The following CACNA2D3 variants were observed in gnomAD, a reference collection of about 807,000 sequenced individuals.
CACNA2D3 encodes calcium voltage-gated channel auxiliary subunit alpha2delta 3.
Under a neutral mutation model 160.6 loss-of-function variants are expected in CACNA2D3, and 60 were observed. The ratio of observed to expected loss-of-function variants is 0.37; its 90% CI spans 0.30 to 0.46. CACNA2D3 has a LOEUF of 0.46. CACNA2D3 is among the 20% of genes least tolerant of loss of function. The probability of loss-of-function intolerance (pLI) is 1.00; values close to 1 mark genes in which losing one functional copy is unlikely to be tolerated. For synonymous variants in CACNA2D3, 558 were observed against 492.9 expected (o/e 1.13, Z -1.75); for missense variants, 1,205 against 1,365.0 (o/e 0.88, Z 1.85).
intron 11 of CACNA2D3, among the ~76,000 whole-genome samples, chr3:54,744,221 G>A (rs1701706475): frequency 6.6e-6 from 1 of 152,154 alleles, no homozygotes; most frequent in Non-Finnish European, 1.5e-5. Flanking sequence ...ATGACCAAAT[G>A]AACTTTCTCA....
intron 5 of CACNA2D3, among the ~76,000 whole-genome samples, chr3:54,518,409 C>G (rs1057362819): frequency 6.6e-6 from 1 of 152,138 alleles, no homozygotes; most frequent in African/African-American, 2.4e-5. Flanking sequence ...GAGCAAGCAC[C>G]TGGGGTTCCC....
At chr3:54,716,644 T>G (rs1179204054) in intron 11 of CACNA2D3, among the ~76,000 whole-genome samples, 1 of 152,202 alleles carries the variant, frequency 6.6e-6, no homozygotes, top group African/African-American at 2.4e-5. Context: ...TTTACATTGT[T>G]AGGGTGGCCC....
chr3:54,377,913 C>T (rs1699037450), intron 3 of CACNA2D3, among the ~76,000 whole-genome samples: 1 of 152,184 alleles, frequency 6.6e-6, no homozygotes, highest in Non-Finnish European at 1.5e-5. Flanking sequence ...GGACAGACTT[C>T]CTTACCAGTA....
At chr3:54,295,430 GC>G (rs1448020050) in intron 2 of CACNA2D3, among the ~76,000 whole-genome samples, 1 of 152,188 alleles carries the variant, frequency 6.6e-6, no homozygotes, top group Admixed American at 6.5e-5. Flanking sequence ...CTGAAGACGT[GC>G]CCAAGGTAGT....
At chr3:55,055,437 T>C (rs1704337491) in intron 35 of CACNA2D3, among the ~76,000 whole-genome samples, 1 of 152,176 alleles carries the variant, frequency 6.6e-6, no homozygotes, top group Non-Finnish European at 1.5e-5. Flanking sequence ...TCATGCTGTT[T>C]TAATTACTAT....
intron 35 of CACNA2D3, among the ~76,000 whole-genome samples, chr3:55,054,596 ATATAC>A (rs1345328615): frequency 6.7e-6 from 1 of 149,376 alleles, no homozygotes; most frequent in Non-Finnish European, 1.5e-5. Flanking sequence ...ATATTATTTA[ATATAC>A]TATATTATAA....
chr3:54,622,459 T>A (rs1220741518), intron 9 of CACNA2D3, among the ~76,000 whole-genome samples: 1 of 152,064 alleles, frequency 6.6e-6, no homozygotes, highest in African/African-American at 2.4e-5. Context: ...GTATTGTTAG[T>A]AGAGATGGGG....
At chr3:55,045,823 G>A (rs1044130975) in intron 35 of CACNA2D3, among the ~76,000 whole-genome samples, 3 of 151,144 alleles carry the variant, frequency 2.0e-5, no homozygotes, top group Non-Finnish European at 4.4e-5. Flanking sequence ...AAGTTTATTA[G>A]TTTTATTGAT....
In CACNA2D3 at chr3:54,672,855, C is replaced by T. The variant is rs138985062; in HGVS notation, c.1167+30614C>T. Among the ~76,000 whole-genome samples, 846 of 152,196 alleles carry T rather than the reference C, an allele frequency of 5.6e-3. 14 individuals are homozygous for T. Among genetic ancestry groups the T allele is most frequent in the African/African-American group, 0.019 (803 of 41,520 alleles). ...TAAGCCCATAGCATGGTGGCTGGCA[C>T]GAGTAAATCCTCAAGAGATGACAGT... On this transcript the variant is annotated intron_variant, in intron 11 of 37. Coordinates refer to ENST00000474759, the MANE Select transcript of CACNA2D3 (RefSeq NM_018398.3).
chr3:54,204,855 G>A lies in CACNA2D3; in HGVS notation c.204+81261G>A, dbSNP rs530657252. On this transcript the variant is annotated intron_variant, in intron 2 of 37. Transcript: ENST00000474759. ...AAACAAAAGAAATGGAGACATGGAA[G>A]AGGAGAAAAAAATGGAAAAACTTAC... 2.0e-4 allele frequency among the ~76,000 whole-genome samples: 27 copies of A among 138,014 alleles called. 1 individual carries two copies. In the South Asian group the frequency reaches 6.1e-3, roughly 31 times the overall value. The allele number at this position is 138,014 out of a possible 152,430, so 90.5% of individuals were successfully genotyped here. A position where few individuals can be genotyped will look rare whatever the true frequency, so the allele number is the denominator to read the frequency against.
chr3:55,005,864 C>G (rs1456099891), intron 32 of CACNA2D3, among the ~76,000 whole-genome samples: 1 of 152,090 alleles, frequency 6.6e-6, no homozygotes, highest in Admixed American at 6.5e-5. Flanking sequence ...CAAAAATTAA[C>G]CTAAAATTTT....
At chr3:54,852,755 T>C (rs115551703) in intron 17 of CACNA2D3, among the ~76,000 whole-genome samples, 138 of 152,324 alleles carry the variant, frequency 9.1e-4, no homozygotes, top group African/African-American at 2.7e-3. Flanking sequence ...AGTCCTCTTG[T>C]ATGGAACTAA....
chr3:54,656,686 T>A (rs1699879457), intron 11 of CACNA2D3, among the ~76,000 whole-genome samples: 1 of 152,212 alleles, frequency 6.6e-6, no homozygotes, highest in African/African-American at 2.4e-5. Flanking sequence ...GACACCCTGC[T>A]ACCTGCACAC....
chr3:54,789,778 G>C (rs1702711851), intron 13 of CACNA2D3: 1 of 484,940 alleles, frequency 2.1e-6, no homozygotes, highest in Non-Finnish European at 4.1e-6. Context: ...TTTGGATTGA[G>C]GCAGTGTTCA....
chr3:54,809,846 T>C (rs1703253052), intron 13 of CACNA2D3, among the ~76,000 whole-genome samples: 1 of 152,064 alleles, frequency 6.6e-6, no homozygotes, highest in Admixed American at 6.6e-5. Context: ...GGGCCAGGCA[T>C]AGGTATAGTC....
At chr3:54,384,307 T>C (rs531489246) in intron 3 of CACNA2D3, among the ~76,000 whole-genome samples, 165 of 152,368 alleles carry the variant, frequency 1.1e-3, no homozygotes, top group Non-Finnish European at 1.0e-3. Flanking sequence ...TTTGATAATG[T>C]AAGTATTCAG....
chr3:54,997,559 CAAAA>C (rs200939267), intron 31 of CACNA2D3, among the ~76,000 whole-genome samples: 11 of 147,232 alleles, frequency 7.5e-5, no homozygotes, highest in African/African-American at 2.5e-4. Flanking sequence ...CACCCCCACC[CAAAA>C]AAAAAGAAAA....
intron 29 of CACNA2D3, among the ~76,000 whole-genome samples, chr3:54,979,232 G>A (rs535349338): frequency 5.3e-5 from 8 of 152,188 alleles, no homozygotes; most frequent in African/African-American, 7.2e-5. Context: ...CCCTGTACAG[G>A]GACTGTGTAG....
At chr3:54,318,391 G>T (rs187119912) in intron 2 of CACNA2D3, among the ~76,000 whole-genome samples, 5 of 152,232 alleles carry the variant, frequency 3.3e-5, no homozygotes, top group Admixed American at 3.3e-4. Flanking sequence ...GGAGCGGGGG[G>T]AAACATGAAA....
Sources: allele counts gnomAD v4.1 joint callset (sites outside exome capture counted in the v4.1 genomes callset), GRCh38; gene constraint gnomAD v4.1.1; transcripts MANE v1.5; gene names NCBI Gene and HGNC (gene_info 2026-07-23, HGNC 2026-07-21).